The following ZNF407 variants were observed in gnomAD, a reference collection of about 807,000 sequenced individuals.
ZNF407 encodes zinc finger protein 407.
ZNF407 carries 17 observed loss-of-function variants against 131.2 expected under a neutral mutation model. That is an observed-to-expected ratio of 0.13 (90% CI 0.09 to 0.19). The LOEUF (loss-of-function observed/expected upper bound fraction) is 0.19, where lower values mean the gene tolerates loss of function less well. Ranked by LOEUF, ZNF407 falls within the 10% of genes least tolerant of loss-of-function variation. The pLI, the probability that ZNF407 is intolerant of heterozygous loss-of-function variation, is 1.00. For missense variants in ZNF407, 2,681 were observed against 2,830.6 expected (o/e 0.95, Z 1.20); for synonymous variants, 1,156 against 1,062.0 (o/e 1.09, Z -1.72).
intron 3 of ZNF407, among the ~76,000 whole-genome samples, chr18:74,755,647 G>C (rs1402408344): frequency 1.5e-5 from 2 of 137,642 alleles, no homozygotes; most frequent in South Asian, 2.5e-4. Flanking sequence ...GGAGTGCAGT[G>C]GCGCTATCTC....
chr18:74,817,601 T>C (rs1379393028), intron 4 of ZNF407, among the ~76,000 whole-genome samples: 1 of 152,238 alleles, frequency 6.6e-6, no homozygotes, highest in Non-Finnish European at 1.5e-5. Context: ...CATTTAGTTA[T>C]AAATTAGTCT....
At chr18:74,979,211 G>A (rs2145311595) in intron 8 of ZNF407, among the ~76,000 whole-genome samples, 1 of 152,186 alleles carries the variant, frequency 6.6e-6, no homozygotes, top group East Asian at 1.9e-4. Flanking sequence ...ATAGCTTCGT[G>A]GCCCTTATAC....
intron 4 of ZNF407, among the ~76,000 whole-genome samples, chr18:74,867,824 A>T (rs752377909): frequency 7.2e-5 from 11 of 152,250 alleles, no homozygotes; most frequent in Non-Finnish European, 1.3e-4. Flanking sequence ...CAAACTCTGC[A>T]TATCAGTTTC....
intron 8 of ZNF407, among the ~76,000 whole-genome samples, chr18:75,044,341 T>A (rs549975861): frequency 1.5e-3 from 226 of 147,476 alleles, no homozygotes; most frequent in Middle Eastern, 3.5e-3. Flanking sequence ...TCTTTTTTTT[T>A]AAAAAAAAAA....
chr18:74,800,189 A>G (rs1196282943), intron 4 of ZNF407, among the ~76,000 whole-genome samples: 1 of 152,070 alleles, frequency 6.6e-6, no homozygotes, highest in African/African-American at 2.4e-5. Flanking sequence ...CATTTAATGA[A>G]AAGATAGACT....
intron 4 of ZNF407, among the ~76,000 whole-genome samples, chr18:74,806,761 G>A (rs1428214788): frequency 6.6e-6 from 1 of 152,152 alleles, no homozygotes; most frequent in Non-Finnish European, 1.5e-5. Flanking sequence ...AAAAATATAA[G>A]GAATAATACT....
chr18:74,632,770 C>T lies in ZNF407; in HGVS notation c.1751C>T (p.Thr584Ile). ...EHLHSNQHQQ[T>I]ASVLSCQCCS... ...TTGCACAGTAACCAGCATCAGCAAA[C>T]TGCTTCTGTCCTGAGTTGTCAGTGT... Residue 584 changes from threonine to isoleucine, a missense_variant, in exon 2 of 9, where the codon ACT becomes ATT. Transcript: ENST00000299687. 2.5e-6 allele frequency: 4 copies of T among 1,614,004 alleles called. No homozygotes were observed. The highest frequency in any genetic ancestry group is 2.5e-6 in the Non-Finnish European group (3 of 1,179,886).
chr18:74,910,820 C>T (rs1273190996), intron 7 of ZNF407, among the ~76,000 whole-genome samples: 1 of 152,148 alleles, frequency 6.6e-6, no homozygotes, highest in African/African-American at 2.4e-5. Flanking sequence ...TTTTCCCCCA[C>T]TTTTAAATTA....
At chr18:74,826,623 A>T (rs1479884694) in intron 4 of ZNF407, among the ~76,000 whole-genome samples, 1 of 152,218 alleles carries the variant, frequency 6.6e-6, no homozygotes, top group Non-Finnish European at 1.5e-5. Context: ...TTTTCCTCCG[A>T]AGCCAAACAG....
intron 1 of ZNF407, among the ~76,000 whole-genome samples, chr18:74,602,187 G>A (rs962905540): frequency 1.3e-5 from 2 of 152,180 alleles, no homozygotes; most frequent in Non-Finnish European, 2.9e-5. Flanking sequence ...AAATAGCCTT[G>A]CAAGAAGTTG....
chr18:74,813,840 G>T (rs1179473394), intron 4 of ZNF407, among the ~76,000 whole-genome samples: 1 of 152,228 alleles, frequency 6.6e-6, no homozygotes, highest in East Asian at 1.9e-4. Flanking sequence ...TGGTTTGCAG[G>T]ATCTATATAT....
chr18:74,816,639 G>A (rs1970270948), intron 4 of ZNF407, among the ~76,000 whole-genome samples: 1 of 152,158 alleles, frequency 6.6e-6, no homozygotes, highest in South Asian at 2.1e-4. Flanking sequence ...ATAGAATAGT[G>A]ATACAATTGG....
chr18:74,861,634 G>A (rs187275007), intron 4 of ZNF407, among the ~76,000 whole-genome samples: 35 of 152,264 alleles, frequency 2.3e-4, no homozygotes, highest in Admixed American at 7.8e-4. Context: ...TAGCTTCTAG[G>A]AACGAGTAGC....
At chr18:74,727,883 C>T (rs745605166) in intron 3 of ZNF407, among the ~76,000 whole-genome samples, 6 of 152,094 alleles carry the variant, frequency 3.9e-5, no homozygotes, top group Non-Finnish European at 7.4e-5. Context: ...TAAGAAGATA[C>T]TTTAAATACC....
intron 3 of ZNF407, among the ~76,000 whole-genome samples, chr18:74,758,187 A>G (rs1969008205): frequency 6.6e-6 from 1 of 152,048 alleles, no homozygotes; most frequent in African/African-American, 2.4e-5. Flanking sequence ...GTGTTTTTCT[A>G]CATGTCTTTA....
intron 3 of ZNF407, among the ~76,000 whole-genome samples, chr18:74,729,200 G>A (rs905413745): frequency 2.6e-5 from 4 of 152,154 alleles, no homozygotes; most frequent in Non-Finnish European, 4.4e-5. Context: ...TACTATTATG[G>A]AGTGATGGTC....
chr18:75,009,530 G>A (rs151261507), intron 8 of ZNF407, among the ~76,000 whole-genome samples: 45 of 152,268 alleles, frequency 3.0e-4, no homozygotes, highest in African/African-American at 9.1e-4. Flanking sequence ...TGAAGTAACC[G>A]TTCTTACAAG....
At chr18:74,973,978 T>G (rs1972500453) in intron 8 of ZNF407, among the ~76,000 whole-genome samples, 1 of 152,236 alleles carries the variant, frequency 6.6e-6, no homozygotes, top group Non-Finnish European at 1.5e-5. Context: ...CAGGTCATTT[T>G]CTGAGGTGGT....
chr18:74,792,499 T>A (rs763098912), intron 4 of ZNF407, among the ~76,000 whole-genome samples: 45 of 150,648 alleles, frequency 3.0e-4, no homozygotes, highest in African/African-American at 1.0e-3. Flanking sequence ...TATTTCTGGA[T>A]AACAAGTCTT....
Sources: gnomAD v4.1 joint callset for allele counts (sites outside exome capture counted in the v4.1 genomes callset) on GRCh38, gnomAD v4.1.1 for gene constraint, MANE v1.5 for transcripts, NCBI Gene and HGNC (gene_info 2026-07-23, HGNC 2026-07-21) for gene names.